MSRA: variants seen among roughly 807,000 people sequenced by gnomAD.
The protein encoded by MSRA is methionine sulfoxide reductase A.
A neutral mutation model predicts 31.3 loss-of-function variants in MSRA; 54 were observed. The observed-to-expected ratio is 1.73, with a 90% confidence interval of 1.39 to 2.17. The LOEUF is 2.17. MSRA is among the 30% of genes most tolerant of loss of function. The probability of loss-of-function intolerance (pLI) is 0.00; values close to 1 mark genes in which losing one functional copy is unlikely to be tolerated. For synonymous variants in MSRA, 169 were observed against 116.5 expected (o/e 1.45, Z -2.90); for missense variants, 507 against 300.9 (o/e 1.69, Z -5.07).
At chr8:10,328,976 G>C (rs986242095) in intron 5 of MSRA, among the ~76,000 whole-genome samples, 1 of 152,118 alleles carries the variant, frequency 6.6e-6, no homozygotes, top group East Asian at 1.9e-4. Context: ...TATATTAAAA[G>C]GAAGGATTAA....
chr8:10,279,750 T>TG (rs2129106293), intron 3 of MSRA, among the ~76,000 whole-genome samples: 1 of 152,348 alleles, frequency 6.6e-6, no homozygotes, highest in East Asian at 1.9e-4. Flanking sequence ...GTAGCGTCCA[T>TG]GCTGCTCTTC....
chr8:10,218,391 C>T (rs1023063959), intron 2 of MSRA, among the ~76,000 whole-genome samples: 9 of 152,036 alleles, frequency 5.9e-5, no homozygotes, highest in Admixed American at 3.3e-4. Flanking sequence ...GCGATCCACC[C>T]GTCTCAGCCT....
At chr8:10,212,508 A>G (rs1007016446) in intron 2 of MSRA, among the ~76,000 whole-genome samples, 1 of 152,228 alleles carries the variant, frequency 6.6e-6, no homozygotes, top group African/African-American at 2.4e-5. Context: ...TCACATCCAC[A>G]CTAGTAGTTA....
chr8:10,334,214 G>C (rs1447707736), intron 5 of MSRA, among the ~76,000 whole-genome samples: 2 of 142,530 alleles, frequency 1.4e-5, no homozygotes, highest in African/African-American at 5.3e-5. Context: ...GTGTGTGTGT[G>C]TCTGGGTATA....
intron 5 of MSRA, among the ~76,000 whole-genome samples, chr8:10,423,940 A>G (rs994833918): frequency 1.3e-5 from 2 of 150,190 alleles, no homozygotes; most frequent in Non-Finnish European, 3.0e-5. Context: ...CATTAATTGC[A>G]CACAGTGCAC....
chr8:10,316,560 C>G (rs534488594), intron 4 of MSRA, among the ~76,000 whole-genome samples: 2 of 108,562 alleles, frequency 1.8e-5, no homozygotes, highest in Non-Finnish European at 3.9e-5. Flanking sequence ...CTCTCTCTCT[C>G]TCTCTCTCTC....
At chr8:10,357,070 G>A (rs1038654065) in intron 5 of MSRA, among the ~76,000 whole-genome samples, 1 of 152,126 alleles carries the variant, frequency 6.6e-6, no homozygotes, top group Non-Finnish European at 1.5e-5. Context: ...ATCCAGAGGT[G>A]TGGACCAGAC....
intron 1 of MSRA, among the ~76,000 whole-genome samples, chr8:10,135,748 C>G (rs990577379): frequency 6.6e-6 from 1 of 152,154 alleles, no homozygotes; most frequent in Non-Finnish European, 1.5e-5. Flanking sequence ...TCGGTAATTC[C>G]AAGTGGTTCA....
At chr8:10,096,594 T>C (rs1799171790) in intron 1 of MSRA, among the ~76,000 whole-genome samples, 1 of 152,232 alleles carries the variant, frequency 6.6e-6, no homozygotes. Flanking sequence ...AATTAAACGA[T>C]TACTGTAGCC....
chr8:10,252,971 T>C (rs1251560396), intron 3 of MSRA, among the ~76,000 whole-genome samples: 1 of 152,226 alleles, frequency 6.6e-6, no homozygotes, highest in Non-Finnish European at 1.5e-5. Flanking sequence ...TGTATGCTGA[T>C]AGGTAGTTCA....
chr8:10,297,182 G>T (rs1483827916), intron 3 of MSRA, among the ~76,000 whole-genome samples: 1 of 152,134 alleles, frequency 6.6e-6, no homozygotes, highest in Non-Finnish European at 1.5e-5. Context: ...GGTCATGCTT[G>T]TATGTCTCTT....
intron 5 of MSRA, among the ~76,000 whole-genome samples, chr8:10,363,584 A>G (rs975262984): frequency 1.3e-5 from 2 of 152,102 alleles, no homozygotes; most frequent in Admixed American, 6.5e-5. Flanking sequence ...TTAGGGCAGG[A>G]TCTACATCTG....
intron 5 of MSRA, among the ~76,000 whole-genome samples, chr8:10,348,559 G>A (rs976370038): frequency 1.3e-5 from 2 of 151,628 alleles, no homozygotes; most frequent in African/African-American, 2.4e-5. Context: ...TAGTAGAGAC[G>A]GGGTTTCACC....
rs183257911 is a variant in MSRA at position 10,219,597 on chromosome 8, C to G, written c.211+11696C>G. ...GGCTGAGGTGGGTGGATCACAAGGT[C>G]AGACTGAGACCATCCTGGCTAACAC... On this transcript the variant is annotated intron_variant, in intron 2 of 5. Coordinates refer to ENST00000317173, the MANE Select transcript of MSRA (RefSeq NM_012331.5). 1.5e-3 allele frequency among the ~76,000 whole-genome samples: 230 copies of G among 151,984 alleles called. 1 individual carries two copies. Among genetic ancestry groups the G allele is most frequent in the African/African-American group, 5.2e-3 (214 of 41,456 alleles).
intron 5 of MSRA, among the ~76,000 whole-genome samples, chr8:10,400,752 G>A (rs1042574104): frequency 6.6e-6 from 1 of 152,208 alleles, no homozygotes; most frequent in African/African-American, 2.4e-5. Context: ...AAGCCATTCA[G>A]TGGGGAAAGG....
At chr8:10,423,958 C>T (rs1006925584) in intron 5 of MSRA, among the ~76,000 whole-genome samples, 2 of 152,218 alleles carry the variant, frequency 1.3e-5, no homozygotes, top group African/African-American at 2.4e-5. Context: ...CACAAAGCCC[C>T]GAGATGAGGG....
At chr8:10,157,410 C>CT (rs1223512301) in intron 1 of MSRA, among the ~76,000 whole-genome samples, 82 of 152,052 alleles carry the variant, frequency 5.4e-4, no homozygotes, top group Non-Finnish European at 6.8e-4. Flanking sequence ...GTTGATATCT[C>CT]AGTTAATTTG....
intron 3 of MSRA, among the ~76,000 whole-genome samples, chr8:10,263,263 C>A (rs1469354439): frequency 6.6e-6 from 1 of 152,206 alleles, no homozygotes; most frequent in East Asian, 1.9e-4. Context: ...CTGGCCTCAC[C>A]ATTCTCCCAG....
intron 2 of MSRA, among the ~76,000 whole-genome samples, chr8:10,236,434 G>C (rs1302327596): frequency 6.6e-6 from 1 of 152,036 alleles, no homozygotes; most frequent in African/African-American, 2.4e-5. Context: ...CTAAAATCAG[G>C]GTGTTTTTAT....
Sources: gnomAD v4.1 joint callset for allele counts (sites outside exome capture counted in the v4.1 genomes callset) on GRCh38, gnomAD v4.1.1 for gene constraint, MANE v1.5 for transcripts, NCBI Gene and HGNC (gene_info 2026-07-23, HGNC 2026-07-21) for gene names.